The following PLPPR1 variants were observed in gnomAD, a reference collection of about 807,000 sequenced individuals.
PLPPR1 encodes the protein phospholipid phosphatase related 1.
In PLPPR1, 10 loss-of-function variants were observed where a neutral mutation model predicts 33.1. The ratio of observed to expected loss-of-function variants is 0.30; its 90% confidence interval spans 0.19 to 0.51. PLPPR1 has a LOEUF of 0.51. PLPPR1 is among the 20% of genes least tolerant of loss of function. The pLI is 0.97. For synonymous variants in PLPPR1, 151 were observed against 151.0 expected (o/e 1.00, Z 0.00); for missense variants, 304 against 408.1 (o/e 0.74, Z 2.20).
chr9:101,053,428 T>C (rs984667068), intron 1 of PLPPR1, among the ~76,000 whole-genome samples: 16 of 152,244 alleles, frequency 1.1e-4, no homozygotes, highest in African/African-American at 3.9e-4. Flanking sequence ...CTGTCAACTC[T>C]TCTACTCTAA....
In PLPPR1 at chr9:101,172,696, G is replaced by A. The variant is rs1172589439; in HGVS notation, c.-45-12754G>A. 2.0e-5 allele frequency among the ~76,000 whole-genome samples: 3 copies of A among 151,910 alleles called. No homozygotes were observed. In the South Asian group the frequency reaches 6.3e-4, roughly 32 times the overall value. ...TCTCTCTGCAGCACTTTCCTCTCTG[G>A]AACTCTGCCTTGTGAACTTGAGATG... On this transcript the variant is annotated intron_variant, in intron 1 of 7. Transcript: ENST00000374874.
intron 1 of PLPPR1, among the ~76,000 whole-genome samples, chr9:101,114,535 C>G (rs957186397): frequency 4.6e-5 from 7 of 152,144 alleles, no homozygotes; most frequent in Non-Finnish European, 7.4e-5. Flanking sequence ...GAGTATCAGA[C>G]CTCACTCTCC....
intron 2 of PLPPR1, among the ~76,000 whole-genome samples, chr9:101,254,654 T>G (rs1452200392): frequency 6.6e-6 from 1 of 152,118 alleles, no homozygotes; most frequent in African/African-American, 2.4e-5. Context: ...TGTAAAAATA[T>G]AAGGACTGAA....
intron 1 of PLPPR1, among the ~76,000 whole-genome samples, chr9:101,060,492 G>A (rs536405552): frequency 1.3e-3 from 194 of 151,786 alleles, no homozygotes; most frequent in Non-Finnish European, 9.1e-4. Context: ...TGATATGTGA[G>A]GTAATGCATA....
chr9:101,248,137 G>A (rs555896931), intron 2 of PLPPR1, among the ~76,000 whole-genome samples: 3 of 151,946 alleles, frequency 2.0e-5, no homozygotes, highest in Admixed American at 6.6e-5. Flanking sequence ...ATGGCAGTTC[G>A]GACATCAAAG....
At chr9:101,311,935 C>T (rs966905548) in intron 5 of PLPPR1, among the ~76,000 whole-genome samples, 4 of 152,192 alleles carry the variant, frequency 2.6e-5, no homozygotes, top group Non-Finnish European at 5.9e-5. Flanking sequence ...ATGAAAAAGG[C>T]ATGGCTTCCT....
rs1412682376 is a variant in PLPPR1, at chr9:101,287,190, A to G, written c.385+954A>G. ...AACCTAAGAAAATCTAATTTAAAAGAAGTAACCCTTAACATTAAAATAGTC... is the reference window on the plus strand; with the variant it reads ...AACCTAAGAAAATCTAATTTAAAAGGAGTAACCCTTAACATTAAAATAGTC... On this transcript the variant is annotated intron_variant, in intron 4 of 7. Coordinates refer to ENST00000374874, the MANE Select transcript of PLPPR1 (RefSeq NM_207299.2). 2.0e-5 allele frequency among the ~76,000 whole-genome samples: 3 copies of G among 152,252 alleles called. No homozygotes were observed. The East Asian group carries it at 5.8e-4, about 29-fold the overall frequency.
intron 1 of PLPPR1, among the ~76,000 whole-genome samples, chr9:101,054,346 A>G (rs1379840554): frequency 3.3e-5 from 5 of 152,180 alleles, no homozygotes; most frequent in East Asian, 3.9e-4. Flanking sequence ...TAATTTTCAC[A>G]AAGGGTTTCA....
intron 1 of PLPPR1, among the ~76,000 whole-genome samples, chr9:101,089,025 A>G (rs1474342257): frequency 2.6e-5 from 4 of 152,186 alleles, no homozygotes; most frequent in Non-Finnish European, 5.9e-5. Context: ...ACTCACAGGG[A>G]TTACCTTTCC....
chr9:101,094,831 C>A lies in PLPPR1; in HGVS notation c.-46+65729C>A, dbSNP rs149330297. Among the ~76,000 whole-genome samples, 762 of 152,218 alleles carry A rather than the reference C, an allele frequency of 5.0e-3. 1 individual carries two copies. Among genetic ancestry groups the A allele is most frequent in the Non-Finnish European group, 7.9e-3 (536 of 68,010 alleles). On this transcript the variant is annotated intron_variant, in intron 1 of 7. Coordinates refer to ENST00000374874, the MANE Select transcript of PLPPR1 (RefSeq NM_207299.2). ...GCCACTGTGTCACCAACCCACAATC[C>A]CATTTTCTTGCTTCCACTTTTTTCA...
intron 7 of PLPPR1, among the ~76,000 whole-genome samples, chr9:101,318,832 C>T (rs564808551): frequency 1.3e-5 from 2 of 152,146 alleles, no homozygotes; most frequent in African/African-American, 2.4e-5. Context: ...GTTAGATTAC[C>T]TGCCCGAGGT....
chr9:101,315,112 A>G (rs959014999), intron 6 of PLPPR1, among the ~76,000 whole-genome samples: 3 of 152,184 alleles, frequency 2.0e-5, no homozygotes, highest in Non-Finnish European at 4.4e-5. Context: ...GAACATTCCA[A>G]ATCTATTCCA....
intron 1 of PLPPR1, among the ~76,000 whole-genome samples, chr9:101,060,237 A>G (rs1830328534): frequency 6.6e-6 from 1 of 152,062 alleles, no homozygotes; most frequent in Non-Finnish European, 1.5e-5. Context: ...ACAAATACCA[A>G]ATGATTTCAC....
At chr9:101,070,184 CA>C (rs1470950708) in intron 1 of PLPPR1, among the ~76,000 whole-genome samples, 1 of 152,052 alleles carries the variant, frequency 6.6e-6, no homozygotes, top group Non-Finnish European at 1.5e-5. Flanking sequence ...TTCATGGGGT[CA>C]GGGGGACTAT....
chr9:101,238,405 G>A (rs1429899788), intron 2 of PLPPR1, among the ~76,000 whole-genome samples: 1 of 147,376 alleles, frequency 6.8e-6, no homozygotes, highest in Admixed American at 6.8e-5. Flanking sequence ...GGAATTGTGT[G>A]TGTGTGTATA....
intron 2 of PLPPR1, among the ~76,000 whole-genome samples, chr9:101,224,799 A>T (rs1827027792): frequency 6.6e-6 from 1 of 152,116 alleles, no homozygotes; most frequent in African/African-American, 2.4e-5. Flanking sequence ...TGGTGTGCTT[A>T]TGTGGTCCCA....
chr9:101,095,499 G>A (rs10989400), intron 1 of PLPPR1, among the ~76,000 whole-genome samples: 58,446 of 151,968 alleles, frequency 0.38, 11,594 homozygotes, highest in Non-Finnish European at 0.44. Context: ...GTTTCGATGT[G>A]AGAAAGCATA....
intron 4 of PLPPR1, among the ~76,000 whole-genome samples, chr9:101,287,498 T>A (rs924724367): frequency 2.6e-5 from 4 of 152,172 alleles, no homozygotes; most frequent in African/African-American, 9.7e-5. Flanking sequence ...CAAAACCCTG[T>A]AAGGTATTTT....
chr9:101,161,531 ACT>A (rs1436148253), intron 1 of PLPPR1, among the ~76,000 whole-genome samples: 1 of 151,876 alleles, frequency 6.6e-6, no homozygotes, highest in East Asian at 1.9e-4. Flanking sequence ...TTATGGACCT[ACT>A]CTAGGCCTCA....
Sources: allele counts gnomAD v4.1 joint callset (sites outside exome capture counted in the v4.1 genomes callset), GRCh38; gene constraint gnomAD v4.1.1; transcripts MANE v1.5; gene names NCBI Gene and HGNC (gene_info 2026-07-23, HGNC 2026-07-21).